The following ATF2 variants were observed in gnomAD, a reference collection of about 807,000 sequenced individuals.
ATF2 encodes activating transcription factor 2, also known as cyclic AMP-dependent transcription factor ATF-2.
A neutral mutation model predicts 60.6 loss-of-function variants in ATF2; 24 were observed. That is an observed-to-expected ratio of 0.40 (90% CI 0.29 to 0.56). The LOEUF is 0.56. Ranked by LOEUF, ATF2 falls within the 20% of genes least tolerant of loss-of-function variation. ATF2 has a pLI of 0.54. For synonymous variants in ATF2, 206 were observed against 215.4 expected (o/e 0.96, Z 0.38); for missense variants, 433 against 607.7 (o/e 0.71, Z 3.02).
intron 9 of ATF2, 88 bp downstream of exon 9, chr2:175,113,906 T>C: frequency 9.0e-7 from 1 of 1,115,464 alleles, no homozygotes; most frequent in Non-Finnish European, 1.3e-6. Context: ...TTAAATTCAA[T>C]TTCATAAGCC....
chr2:175,080,647 G>A lies in ATF2; in HGVS notation c.1291+13C>T, dbSNP rs1456005946. 1 of 1,602,770 alleles carries A rather than the reference G, an allele frequency of 6.2e-7. No individual in the cohort carries two copies. Among genetic ancestry groups the A allele is most frequent in the Admixed American group, 1.7e-5 (1 of 59,868 alleles). On this transcript the variant is annotated intron_variant, in intron 13 of 13. Transcript: ENST00000264110. Reference sequence around the variant, plus strand: ...ACGTAGCCTAAGGCTATAGGTAATGGAACATTACTCACTATGATAGCCAGA... The same window carrying A: ...ACGTAGCCTAAGGCTATAGGTAATGAAACATTACTCACTATGATAGCCAGA...
chr2:175,100,401 C>T (rs1695231776), intron 10 of ATF2, among the ~76,000 whole-genome samples: 1 of 152,126 alleles, frequency 6.6e-6, no homozygotes, highest in Non-Finnish European at 1.5e-5. Context: ...TTCAAAATAT[C>T]CCTAAGGGTC....
intron 3 of ATF2, among the ~76,000 whole-genome samples, chr2:175,134,582 T>C (rs1698002568): frequency 1.3e-5 from 2 of 151,490 alleles, no homozygotes; most frequent in Admixed American, 1.3e-4. Flanking sequence ...GATCAGTGTG[T>C]TTAATCTGCC....
At chr2:175,158,791 T>G (rs1165625322) in intron 1 of ATF2, among the ~76,000 whole-genome samples, 2 of 151,564 alleles carry the variant, frequency 1.3e-5, no homozygotes, top group Non-Finnish European at 2.9e-5. Context: ...TATGATCCTC[T>G]ACAGTAAAAA....
chr2:175,165,556 G>T (rs1374224864), intron 1 of ATF2, among the ~76,000 whole-genome samples: 1 of 152,232 alleles, frequency 6.6e-6, no homozygotes, highest in Non-Finnish European at 1.5e-5. Flanking sequence ...GCTACTTACA[G>T]ATAGATGTTT....
intron 7 of ATF2, among the ~76,000 whole-genome samples, chr2:175,117,117 T>C (rs1574410854): frequency 6.6e-6 from 1 of 152,092 alleles, no homozygotes; most frequent in East Asian, 1.9e-4. Flanking sequence ...TGTTTCAAGA[T>C]AGTAATTCTT....
intron 10 of ATF2, among the ~76,000 whole-genome samples, chr2:175,098,906 A>G (rs1238114874): frequency 6.6e-6 from 1 of 152,176 alleles, no homozygotes; most frequent in Non-Finnish European, 1.5e-5. Context: ...ATATGAAAAG[A>G]TCACCGGAAT....
chr2:175,074,805 A>C lies in ATF2; in HGVS notation c.1322T>G (p.Ile441Ser), dbSNP rs1451201916. 1.9e-6 allele frequency: 3 copies of C among 1,613,416 alleles called. No individual in the cohort carries two copies. The highest frequency in any genetic ancestry group is 2.5e-6 in the Non-Finnish European group (3 of 1,179,640). Residue 441 changes from isoleucine to serine, a missense_variant, in exon 14 of 14, where the codon ATT (isoleucine) becomes AGT (serine). Around this residue, in one of 5 missense-constraint regions of ATF2, gnomAD observed 114 missense variants for 104.0 expected, o/e 1.10. Transcript: ENST00000264110. ...TGTATGTGGACTACTCGGCACTGAA[A>C]TGTCTTCTGAACTATCATCTTTATC... Reference protein sequence around the residue: ...TADKDDSSEDISVPSSPHTEA... With the variant: ...TADKDDSSEDSSVPSSPHTEA...
chr2:175,102,627 G>C (rs1425409661), intron 10 of ATF2, among the ~76,000 whole-genome samples: 1 of 152,052 alleles, frequency 6.6e-6, no homozygotes, highest in Non-Finnish European at 1.5e-5. Context: ...AAATTAGCCA[G>C]GTGTGGTGGT....
intron 6 of ATF2, 62 bp downstream of exon 6, chr2:175,118,189 T>C: frequency 6.3e-7 from 1 of 1,592,606 alleles, no homozygotes; most frequent in East Asian, 2.2e-5. Flanking sequence ...AAGCAGGAAG[T>C]ATAAACTATG....
At chr2:175,157,647 G>C (rs1002964603) in intron 1 of ATF2, among the ~76,000 whole-genome samples, 2 of 152,114 alleles carry the variant, frequency 1.3e-5, no homozygotes, top group African/African-American at 2.4e-5. Flanking sequence ...CACTGAAGGG[G>C]GAGGGGCACG....
At position 175,140,337 on chromosome 2, in the gene ATF2, C is replaced by A. The variant is rs572521726; in HGVS notation, c.-43-3851G>T. ...ATTTTCTTGAAAACTACTGACACTA[C>A]AACAATGGATGAATCTCAAAATAAT... is the stretch of plus-strand genomic sequence containing the variant. On this transcript the variant is annotated intron_variant, in intron 2 of 13. Coordinates refer to ENST00000264110, the MANE Select transcript of ATF2 (RefSeq NM_001880.4). 1.1e-4 allele frequency among the ~76,000 whole-genome samples: 17 copies of A among 152,294 alleles called. No individual in the cohort carries two copies. The East Asian group carries it at 3.3e-3, about 29-fold the overall frequency.
chr2:175,112,578 A>G (rs1034974969), intron 9 of ATF2, among the ~76,000 whole-genome samples: 8 of 152,172 alleles, frequency 5.3e-5, no homozygotes, highest in Non-Finnish European at 7.4e-5. Context: ...GCTTTTAAAA[A>G]TAAGTTTTAT....
chr2:175,094,403 GA>G (rs61440218), intron 11 of ATF2, among the ~76,000 whole-genome samples: 4,152 of 60,598 alleles, frequency 0.069, 30 homozygotes, highest in East Asian at 0.19. Flanking sequence ...CAAAAAATAC[GA>G]AAAAAAAAAA....
At chr2:175,139,663 CA>C (rs201481065) in intron 2 of ATF2, among the ~76,000 whole-genome samples, 968 of 80,078 alleles carry the variant, frequency 0.012, 1 homozygote, top group East Asian at 0.038. Context: ...GACTCCATCT[CA>C]AAAAAAAAAA....
At chr2:175,084,310 GCCAT>G (rs1422636685) in intron 12 of ATF2, among the ~76,000 whole-genome samples, 1 of 152,010 alleles carries the variant, frequency 6.6e-6, no homozygotes, top group Non-Finnish European at 1.5e-5. Context: ...ATACTATGCA[GCCAT>G]AAAAAATGAT....
At chr2:175,165,956 G>A (rs371515310) in intron 1 of ATF2, among the ~76,000 whole-genome samples, 17 of 152,152 alleles carry the variant, frequency 1.1e-4, no homozygotes, top group South Asian at 2.1e-4. Context: ...GAGCCACCGC[G>A]CACGCCCAGC....
At chr2:175,148,565 A>G (rs902439338) in intron 2 of ATF2, among the ~76,000 whole-genome samples, 3 of 152,148 alleles carry the variant, frequency 2.0e-5, no homozygotes, top group Non-Finnish European at 4.4e-5. Context: ...TGGGAAGTGG[A>G]GGTCCCACAG....
chr2:175,166,914 A>T (rs1250501792), intron 1 of ATF2, among the ~76,000 whole-genome samples: 1 of 152,246 alleles, frequency 6.6e-6, no homozygotes, highest in Non-Finnish European at 1.5e-5. Flanking sequence ...CCTTAGTACC[A>T]GTTAAATAAT....
Sources: gnomAD v4.1 joint callset for allele counts (sites outside exome capture counted in the v4.1 genomes callset) on GRCh38, gnomAD v4.1.1 for gene constraint, gnomAD v4.1.1 regional missense constraint, MANE v1.5 for transcripts, NCBI Gene and HGNC (gene_info 2026-07-23, HGNC 2026-07-21) for gene names.